Variants in RBFOX1 observed in about 807,000 individuals in gnomAD.
The protein encoded by RBFOX1 is RNA binding protein fox-1 homolog 1.
Under a neutral mutation model 57.7 loss-of-function variants are expected in RBFOX1, and 8 were observed. The ratio of observed to expected loss-of-function variants is 0.14; its 90% CI spans 0.08 to 0.25. The LOEUF is 0.25. Among genes scored for constraint, RBFOX1 ranks in the 10% least tolerant of loss-of-function variants. The pLI is 1.00. For missense variants in RBFOX1, 611 were observed against 548.5 expected, an observed-to-expected ratio of 1.11 and a Z score of -1.14; for synonymous variants, 326 against 222.4, an observed-to-expected ratio of 1.47 and a Z score of -4.15.
At chr16:5,878,741 G>A (rs1239971580) in intron 4 of RBFOX1, among the ~76,000 whole-genome samples, 1 of 152,132 alleles carries the variant, frequency 6.6e-6, no homozygotes, top group African/African-American at 2.4e-5. Context: ...GTTGAGCTAT[G>A]AATAAATGAT....
Position 5,454,976 on chromosome 16 carries a change from T to TTTCTTTCC in RBFOX1, c.220-12233_220-12232insCTTCTTTC, listed in dbSNP as rs1491404840. On this transcript the variant is annotated intron_variant, in intron 1 of 2. Transcript: ENST00000585867. ...CTTCCTTCCTTTCTTTCTTTCTTTC[T>TTTCTTTCC]TTCTTTCTTTCTTTCTTTCTTTCTT... 6.9e-4 allele frequency among the ~76,000 whole-genome samples: 63 copies of TTTCTTTCC among 91,424 alleles called. 1 individual carries two copies. Among genetic ancestry groups the TTTCTTTCC allele is most frequent in the Non-Finnish European group, 1.4e-3 (60 of 43,358 alleles). 60.0% of individuals were successfully genotyped at this position (91,424 alleles called of 152,430 possible).
At chr16:6,559,184 C>T (rs1392683745) in intron 2 of RBFOX1, among the ~76,000 whole-genome samples, 7 of 151,368 alleles carry the variant, frequency 4.6e-5, no homozygotes, top group East Asian at 1.9e-4. Context: ...TATATATATA[C>T]ACAAACACAC....
At chr16:5,421,608 A>G (rs1422280472) in intron 1 of RBFOX1, among the ~76,000 whole-genome samples, 3 of 152,102 alleles carry the variant, frequency 2.0e-5, no homozygotes, top group Non-Finnish European at 2.9e-5. Flanking sequence ...AAGAAAATCA[A>G]TCACCCCCAC....
chr16:7,533,270 A>G (rs985185025), intron 5 of RBFOX1, among the ~76,000 whole-genome samples: 1 of 152,210 alleles, frequency 6.6e-6, no homozygotes, highest in Non-Finnish European at 1.5e-5. Flanking sequence ...ATCAAACTGG[A>G]CTTCCCTGTG....
At chr16:5,807,963 C>A (rs1189901962) in intron 3 of RBFOX1, among the ~76,000 whole-genome samples, 3 of 152,192 alleles carry the variant, frequency 2.0e-5, no homozygotes, top group African/African-American at 7.2e-5. Flanking sequence ...CAGTCCATTT[C>A]TTTCAATTTC....
At chr16:6,388,118 T>G (rs2092400463) in intron 2 of RBFOX1, among the ~76,000 whole-genome samples, 2 of 151,490 alleles carry the variant, frequency 1.3e-5, no homozygotes, top group African/African-American at 4.8e-5. Flanking sequence ...TAGCTGGGAC[T>G]ACAGGTGCAT....
chr16:5,864,842 C>G (rs1002768813), intron 3 of RBFOX1, among the ~76,000 whole-genome samples: 22 of 152,128 alleles, frequency 1.4e-4, no homozygotes, highest in Admixed American at 1.3e-4. Flanking sequence ...ATTAGTTACC[C>G]CACAGGCCCT....
At chr16:5,563,512 T>A (rs970752396) in intron 2 of RBFOX1, among the ~76,000 whole-genome samples, 2 of 152,178 alleles carry the variant, frequency 1.3e-5, no homozygotes, top group Non-Finnish European at 2.9e-5. Flanking sequence ...ATATAAACCA[T>A]CTGGTAGTTT....
chr16:7,440,816 T>C (rs891392380), intron 4 of RBFOX1, among the ~76,000 whole-genome samples: 3 of 152,158 alleles, frequency 2.0e-5, no homozygotes, highest in Admixed American at 6.5e-5. Context: ...TTAGCAGCCC[T>C]CAAGGGGGCT....
chr16:6,296,612 C>T (rs12448420), intron 1 of RBFOX1, among the ~76,000 whole-genome samples: 6 of 151,780 alleles, frequency 4.0e-5, no homozygotes, highest in Admixed American at 1.3e-4. Flanking sequence ...AGTAGAGACG[C>T]GGTTTCACCG....
In RBFOX1 at chr16:6,653,943, A is replaced by C. The variant is rs536237948; in HGVS notation, c.-63-660A>C. ...GAGTGTGTAGATGATTGATGGATAGAGGGTGGATGAAGGATGGATGGTTGG... is the reference window on the plus strand; with the variant it reads ...GAGTGTGTAGATGATTGATGGATAGCGGGTGGATGAAGGATGGATGGTTGG... On this transcript the variant is annotated intron_variant, in intron 2 of 15. Transcript: ENST00000550418. 2.1e-5 allele frequency among the ~76,000 whole-genome samples: 3 copies of C among 143,424 alleles called. No individual in the cohort carries two copies. In the East Asian group the frequency reaches 6.9e-4, roughly 33 times the overall value. The allele number at this position is 143,424 out of a possible 152,430, so 94.1% of individuals were successfully genotyped here.
At position 6,904,699 on chromosome 16, in the gene RBFOX1, G is replaced by A. The variant is rs115380797; in HGVS notation, c.-15-147358G>A. Among the ~76,000 whole-genome samples, 1,294 of 148,942 alleles carry A rather than the reference G, an allele frequency of 8.7e-3. 21 individuals are homozygous for A. The highest frequency in any genetic ancestry group is 0.029 in the African/African-American group (1,168 of 40,392). The stretch of plus-strand genomic sequence containing the variant: ...TTTGGGGAAGCAGCTGCTTTTTCCC[G>A]TCAGTTTCTCCTTGGTTTTCTCTAC... On this transcript the variant is annotated intron_variant, in intron 3 of 15. Transcript: ENST00000550418.
intron 2 of RBFOX1, among the ~76,000 whole-genome samples, chr16:5,488,415 GATA>G (rs1178717429): frequency 4.6e-5 from 7 of 151,776 alleles, no homozygotes; most frequent in Admixed American, 2.6e-4. Context: ...TGATGGTGAT[GATA>G]ATGGAGGATT....
intron 4 of RBFOX1, among the ~76,000 whole-genome samples, chr16:5,878,817 A>G (rs1382907170): frequency 6.6e-6 from 1 of 152,230 alleles, no homozygotes; most frequent in Non-Finnish European, 1.5e-5. Flanking sequence ...AAAATTGAAT[A>G]AAGTGGTAAT....
At chr16:7,010,322 C>T (rs980877965) in intron 3 of RBFOX1, among the ~76,000 whole-genome samples, 5 of 152,196 alleles carry the variant, frequency 3.3e-5, no homozygotes, top group Admixed American at 1.3e-4. Context: ...AAAGAACTTA[C>T]ATTGTGAGCA....
At position 6,562,832 on chromosome 16, in the gene RBFOX1, T is replaced by TTTTCTTTCTTTCTTTC. The variant is rs370685598; in HGVS notation, c.-63-91735_-63-91720dup. On this transcript the variant is annotated intron_variant, in intron 2 of 15. Transcript: ENST00000550418. ...AACTGCAGGCCTTGATTCTTGATTC[T>TTTTCTTTCTTTCTTTC]TTTCTTTCTTTCTTTCTTTCTTTCT... is the stretch of plus-strand genomic sequence containing the variant. 7.8e-3 allele frequency among the ~76,000 whole-genome samples: 589 copies of TTTTCTTTCTTTCTTTC among 75,916 alleles called. 17 individuals carry two copies. Among genetic ancestry groups the TTTTCTTTCTTTCTTTC allele is most frequent in the Middle Eastern group, 0.027 (4 of 146 alleles). 49.8% of individuals were successfully genotyped at this position (75,916 alleles called of 152,430 possible).
intron 12 of RBFOX1, among the ~76,000 whole-genome samples, chr16:7,655,293 C>A (rs1411721448): frequency 6.6e-6 from 1 of 152,126 alleles, no homozygotes; most frequent in African/African-American, 2.4e-5. Flanking sequence ...AGTAGTAAGA[C>A]AAAGTCCATC....
chr16:6,960,187 G>A (rs2082666575), intron 3 of RBFOX1, among the ~76,000 whole-genome samples: 1 of 152,136 alleles, frequency 6.6e-6, no homozygotes, highest in South Asian at 2.1e-4. Context: ...CCATGATTTA[G>A]CAGGAGACAA....
rs1374890542 is a variant in RBFOX1 at position 5,545,272 on chromosome 16, C to A, written c.259-53630C>A. ...GGATTACAGCTGTGAGCACGCCCTGCCCTTAGTGTTAAATTCTAACAAATA... is the reference window on the plus strand; with the variant it reads ...GGATTACAGCTGTGAGCACGCCCTGACCTTAGTGTTAAATTCTAACAAATA... On this transcript the variant is annotated intron_variant, in intron 2 of 2. Coordinates refer to the RBFOX1 transcript ENST00000585867. Among the ~76,000 whole-genome samples the A allele has an allele frequency of 4.7e-5, 7 of 148,388 alleles. No individual in the cohort carries two copies. The South Asian group carries it at 1.3e-3, about 28-fold the overall frequency.
Sources: gnomAD v4.1 joint callset for allele counts (sites outside exome capture counted in the v4.1 genomes callset) on GRCh38, gnomAD v4.1.1 for gene constraint, MANE v1.5 for transcripts, NCBI Gene and HGNC (gene_info 2026-07-23, HGNC 2026-07-21) for gene names.